Variants in PRIM2 observed in about 807,000 individuals in gnomAD.
PRIM2 encodes the protein DNA primase large subunit.
Under a neutral mutation model 67.3 loss-of-function variants are expected in PRIM2, and 39 were observed. That is an observed-to-expected ratio of 0.58 (90% CI 0.45 to 0.76). PRIM2 has a LOEUF of 0.76. PRIM2 is among the 30% of genes least tolerant of loss of function. PRIM2 has a pLI of 0.00. For missense variants in PRIM2, 398 were observed against 598.7 expected (o/e 0.66, Z 3.50); for synonymous variants, 143 against 198.7 (o/e 0.72, Z 2.36).
chr6:57,232,745 T>G, the PRIM2 span, among the ~76,000 whole-genome samples: 1 of 152,164 alleles, frequency 6.6e-6, no homozygotes, highest in Non-Finnish European at 1.5e-5. Flanking sequence ...GACTCCTCCT[T>G]CTTGCTCTCT....
the PRIM2 span, among the ~76,000 whole-genome samples, chr6:57,267,767 A>T: frequency 1.3e-5 from 2 of 150,528 alleles, no homozygotes; most frequent in African/African-American, 2.4e-5. Context: ...AAAATTAGCT[A>T]GGCATGGTGG....
At chr6:57,425,508 C>A (rs1397660860) in intron 7 of PRIM2, among the ~76,000 whole-genome samples, 1 of 152,152 alleles carries the variant, frequency 6.6e-6, no homozygotes, top group Non-Finnish European at 1.5e-5. Flanking sequence ...AGCCACCACA[C>A]CCTGCCAATG....
chr6:57,238,594 G>A, the PRIM2 span, among the ~76,000 whole-genome samples: 7 of 152,168 alleles, frequency 4.6e-5, no homozygotes, highest in Non-Finnish European at 1.0e-4. Context: ...AGCACTAAAT[G>A]CCCACAAGAG....
the PRIM2 span, among the ~76,000 whole-genome samples, chr6:57,286,063 C>T: frequency 3.7e-4 from 57 of 152,134 alleles, 2 homozygotes; most frequent in African/African-American, 1.3e-3. Flanking sequence ...ACATGAAGGA[C>T]GTCTTCAAGG....
At chr6:57,337,704 C>G (rs1768307855) in intron 5 of PRIM2, among the ~76,000 whole-genome samples, 1 of 152,048 alleles carries the variant, frequency 6.6e-6, no homozygotes, top group African/African-American at 2.4e-5. Flanking sequence ...GGGACGCATT[C>G]AAAGCAGTGT....
chr6:57,516,085 T>G (rs1466982215), intron 8 of PRIM2, among the ~76,000 whole-genome samples: 1 of 151,556 alleles, frequency 6.6e-6, no homozygotes, highest in East Asian at 1.9e-4. Context: ...TTCCCATGCT[T>G]CAGATCTCTC....
At chr6:57,438,250 A>T (rs1772079665) in intron 7 of PRIM2, among the ~76,000 whole-genome samples, 1 of 152,204 alleles carries the variant, frequency 6.6e-6, no homozygotes, top group South Asian at 2.1e-4. Context: ...TTTCTCTGCA[A>T]CAATGTTTAG....
At chr6:57,339,680 C>A (rs959338428) in intron 5 of PRIM2, among the ~76,000 whole-genome samples, 21 of 152,148 alleles carry the variant, frequency 1.4e-4, no homozygotes, top group African/African-American at 4.8e-4. Flanking sequence ...TGGATCCCTT[C>A]CTTACACCTT....
intron 5 of PRIM2, among the ~76,000 whole-genome samples, chr6:57,333,468 C>T (rs1021367999): frequency 6.6e-6 from 1 of 152,186 alleles, no homozygotes; most frequent in Admixed American, 6.5e-5. Flanking sequence ...GTGTAGTGAA[C>T]TTTCATGGCG....
intron 5 of PRIM2, among the ~76,000 whole-genome samples, chr6:57,369,824 A>G (rs1444591947): frequency 6.6e-6 from 1 of 152,238 alleles, no homozygotes; most frequent in Non-Finnish European, 1.5e-5. Flanking sequence ...AAGTTTATAG[A>G]AACTGCATTA....
intron 7 of PRIM2, among the ~76,000 whole-genome samples, chr6:57,437,404 A>T (rs868632559): frequency 1.4e-4 from 21 of 152,136 alleles, no homozygotes; most frequent in African/African-American, 4.8e-4. Flanking sequence ...TTATTCACTC[A>T]TTCTTTGTCA....
At chr6:57,542,958 T>TTTTTTTTTTTTTTTTTA (rs1775199901) in intron 10 of PRIM2, among the ~76,000 whole-genome samples, 1 of 132,340 alleles carries the variant, frequency 7.6e-6, no homozygotes, top group Non-Finnish European at 1.6e-5. Context: ...TTTTTTTTTT[T>TTTTTTTTTTTTTTTTTA]GAGACGGAGT....
At chr6:57,375,796 G>A (rs1317949879) in intron 5 of PRIM2, among the ~76,000 whole-genome samples, 1 of 151,756 alleles carries the variant, frequency 6.6e-6, no homozygotes, top group Non-Finnish European at 1.5e-5. Flanking sequence ...TTTAGTTTGG[G>A]TATAATGGTT....
intron 5 of PRIM2, among the ~76,000 whole-genome samples, chr6:57,363,429 GT>G (rs10709902): frequency 6.6e-6 from 1 of 152,126 alleles, no homozygotes; most frequent in South Asian, 2.1e-4. Flanking sequence ...AGTGAAATGT[GT>G]TTTTTTATGT....
At chr6:57,543,631 T>G (rs1339678195) in intron 10 of PRIM2, among the ~76,000 whole-genome samples, 1 of 152,222 alleles carries the variant, frequency 6.6e-6, no homozygotes, top group African/African-American at 2.4e-5. Flanking sequence ...CTAGATATAC[T>G]GCCTGGAACA....
chr6:57,310,905 G>A (rs1289671879), upstream of PRIM2, among the ~76,000 whole-genome samples: 3 of 148,408 alleles, frequency 2.0e-5, no homozygotes, highest in African/African-American at 7.5e-5. Context: ...CGGGGTGGCG[G>A]CCGGGCAGAG....
chr6:57,242,568 G>A, the PRIM2 span, among the ~76,000 whole-genome samples: 2 of 152,086 alleles, frequency 1.3e-5, no homozygotes. Context: ...AAATCAGAAG[G>A]AAAAACATGT....
intron 8 of PRIM2, among the ~76,000 whole-genome samples, chr6:57,517,454 G>A (rs1774509569): frequency 2.0e-5 from 3 of 152,110 alleles, no homozygotes; most frequent in African/African-American, 4.8e-5. Context: ...TAATCCAGTA[G>A]CCAATAGCCA....
At chr6:57,347,017 CTGTT>C (rs10577577) in intron 5 of PRIM2, among the ~76,000 whole-genome samples, 1 of 152,124 alleles carries the variant, frequency 6.6e-6, no homozygotes, top group Non-Finnish European at 1.5e-5. Context: ...CTGCTTGCTT[CTGTT>C]TGTTTATCTC....
Sources: allele counts gnomAD v4.1 joint callset (sites outside exome capture counted in the v4.1 genomes callset), GRCh38; gene constraint gnomAD v4.1.1; transcripts MANE v1.5; gene names NCBI Gene and HGNC (gene_info 2026-07-23, HGNC 2026-07-21).